ADGRD1: variants seen among roughly 807,000 people sequenced by gnomAD.
ADGRD1 encodes the protein adhesion G protein-coupled receptor D1.
A neutral mutation model predicts 113.4 loss-of-function variants in ADGRD1; 77 were observed. The ratio of observed to expected loss-of-function variants is 0.68; its 90% CI spans 0.57 to 0.82. ADGRD1 has a LOEUF of 0.82. Ranked by LOEUF, ADGRD1 falls within the 40% of genes least tolerant of loss-of-function variation. ADGRD1 has a pLI of 0.00. For missense variants in ADGRD1, 1,036 were observed against 1,139.1 expected (o/e 0.91, Z 1.30); for synonymous variants, 474 against 475.0 (o/e 1.00, Z 0.03).
At chr12:131,000,737 T>C (rs1876267954) in intron 9 of ADGRD1, among the ~76,000 whole-genome samples, 1 of 116,766 alleles carries the variant, frequency 8.6e-6, no homozygotes. Flanking sequence ...TGAGACTCTG[T>C]CTCAAAAAAC....
rs547690357 is a variant in ADGRD1 at position 131,084,716 on chromosome 12, G to A, written c.1671+53G>A. 161 of 1,589,164 alleles carry A rather than the reference G, an allele frequency of 1.0e-4. No homozygotes were observed. In the African/African-American group the frequency reaches 2.0e-3, roughly 20 times the overall value. On this transcript the variant is annotated intron_variant, in intron 15 of 24. Coordinates refer to ENST00000261654, the MANE Select transcript of ADGRD1 (RefSeq NM_198827.5). The surrounding 1 kb of genome is among the most constrained non-coding windows in gnomAD (Gnocchi z 4.5). ...GACCTGGGGGACGTACCATGAGGCT[G>A]CAGGTGGGGGCGGGAGGATGCTTTG...
Position 131,075,234 on chromosome 12 carries a change from G to A in ADGRD1, c.1474-1567G>A, listed in dbSNP as rs1178105297. Among the ~76,000 whole-genome samples the A allele has an allele frequency of 6.6e-6, 1 of 152,146 alleles. No homozygotes were observed. The highest frequency in any genetic ancestry group is 1.5e-5 in the Non-Finnish European group (1 of 68,020). On this transcript the variant is annotated intron_variant, in intron 13 of 24. Coordinates refer to ENST00000261654, the MANE Select transcript of ADGRD1 (RefSeq NM_198827.5). The surrounding 1 kb of genome is among the most constrained non-coding windows in gnomAD (Gnocchi z 5.3). ...GCTGTCTGCTGGAGGCTTTGGCCCT[G>A]GTGTAGCCTGGGCCCAAGGAAGCCT...
rs903184478 is a variant in ADGRD1, at chr12:131,139,257, C to T, written c.2619C>T (p.Ala873=). The T allele has an allele frequency of 5.6e-6, 9 of 1,611,086 alleles. No homozygotes were observed. The highest frequency in any genetic ancestry group is 4.5e-5 in the East Asian group (2 of 44,838). Residue 873 remains alanine, a synonymous_variant, in exon 25 of 25, where the codon GCC becomes GCT. Coordinates refer to ENST00000261654, the MANE Select transcript of ADGRD1 (RefSeq NM_198827.5). The stretch of plus-strand genomic sequence containing the variant: ...CTGCCCACCGCGTCGACCTGTCAGC[C>T]GTGTGAGCCGGGAGGCTGCCAACCA... ...SHSAHRVDLS[A]V is the part of the protein sequence containing the mutation.
At chr12:131,118,028 T>G (rs923975489) in intron 18 of ADGRD1, among the ~76,000 whole-genome samples, 2 of 152,242 alleles carry the variant, frequency 1.3e-5, no homozygotes, top group Non-Finnish European at 2.9e-5. Flanking sequence ...TGGGGCCACC[T>G]TGGCCCTGGT....
intron 18 of ADGRD1, among the ~76,000 whole-genome samples, chr12:131,114,514 G>A (rs966302495): frequency 6.6e-6 from 1 of 152,124 alleles, no homozygotes; most frequent in Non-Finnish European, 1.5e-5. Flanking sequence ...CCCAAGAACT[G>A]TGTCTTTCAT....
chr12:131,072,389 A>AG (rs1436523642), intron 13 of ADGRD1, among the ~76,000 whole-genome samples: 2 of 152,184 alleles, frequency 1.3e-5, no homozygotes, highest in Non-Finnish European at 2.9e-5. Context: ...CTTCTGAAGT[A>AG]GGGGGCATCG....
chr12:131,076,655 C>T, intron 13 of ADGRD1, 146 bp from the exon 14 acceptor site: 1 of 705,866 alleles, frequency 1.4e-6, no homozygotes, highest in South Asian at 1.6e-5. Flanking sequence ...GGACCACACC[C>T]ACAATGGATG....
chr12:130,981,112 C>T lies in ADGRD1; in HGVS notation c.311-772C>T, dbSNP rs565645697. 8 of 152,354 alleles carry T rather than the reference C, an allele frequency of 5.3e-5. No homozygotes were observed. The East Asian group carries it at 1.5e-3, about 29-fold the overall frequency. 9.4% of individuals were successfully genotyped at this position (152,354 alleles called of 1,614,324 possible). ...TATCAACAACCTTAAAAGTGTGCTT[C>T]CCTTTGGCAAGAAATGCCCTCTTGG... On this transcript the variant is annotated intron_variant, in intron 4 of 24. Transcript: ENST00000261654.
chr12:131,103,037 C>T (rs1169043308), intron 15 of ADGRD1, among the ~76,000 whole-genome samples: 1 of 152,250 alleles, frequency 6.6e-6, no homozygotes, highest in Non-Finnish European at 1.5e-5. Context: ...GGGGATTCTT[C>T]CGTCTCCCTG....
At chr12:131,026,845 C>T (rs1318844491) in intron 13 of ADGRD1, 2 of 152,290 alleles carry the variant, frequency 1.3e-5, no homozygotes, top group East Asian at 1.9e-4. Context: ...GGATGCTACT[C>T]GTCACTATTC....
intron 4 of ADGRD1, among the ~76,000 whole-genome samples, chr12:130,975,320 C>T (rs1045190946): frequency 1.3e-5 from 2 of 152,198 alleles, no homozygotes; most frequent in African/African-American, 4.8e-5. Context: ...ACTTCCGTCT[C>T]CCTTACTTGG....
At chr12:131,100,201 T>C (rs1025128792) in intron 15 of ADGRD1, among the ~76,000 whole-genome samples, 2 of 152,080 alleles carry the variant, frequency 1.3e-5, no homozygotes, top group African/African-American at 4.8e-5. Flanking sequence ...TATGATGAGT[T>C]TGGTTGATGA....
Position 131,136,879 on chromosome 12 carries a change from C to T in ADGRD1, c.2395-94C>T, listed in dbSNP as rs973133866. The T allele has an allele frequency of 6.1e-6, 6 of 990,528 alleles. No individual in the cohort carries two copies. The African/African-American group carries it at 9.5e-5, about 16-fold the overall frequency. The allele number at this position is 990,528 out of a possible 1,614,324, so 61.4% of individuals were successfully genotyped here. A position where few individuals can be genotyped will look rare whatever the true frequency, so the allele number is the denominator to read the frequency against. On this transcript the variant is annotated intron_variant, in intron 22 of 24. Coordinates refer to ENST00000261654, the MANE Select transcript of ADGRD1 (RefSeq NM_198827.5). ...GACCTGGTGTCACAGTGTGCGGTGC[C>T]AGTGCCACTCCCAGGCTGCATGGGA...
chr12:131,100,949 T>C (rs910498127), intron 15 of ADGRD1, among the ~76,000 whole-genome samples: 2 of 152,216 alleles, frequency 1.3e-5, no homozygotes, highest in Admixed American at 6.5e-5. Flanking sequence ...GATGGGTAGA[T>C]GTGAGGGCTC....
chr12:131,076,621 G>C (rs1479562798), intron 13 of ADGRD1, 180 bp from the exon 14 acceptor site: 8 of 642,082 alleles, frequency 1.2e-5, no homozygotes, highest in Non-Finnish European at 2.3e-5. Context: ...GCAGAGGGCA[G>C]CATGACCTGG....
chr12:131,038,210 G>A (rs1028648193), intron 13 of ADGRD1, among the ~76,000 whole-genome samples: 12 of 152,232 alleles, frequency 7.9e-5, no homozygotes, highest in African/African-American at 2.9e-4. Context: ...CCCTGTGGAG[G>A]GGTTCAGATG....
In ADGRD1 at chr12:131,097,576, G is replaced by A. The variant is rs142029728; in HGVS notation, c.1672-7255G>A. Among the ~76,000 whole-genome samples, 59 of 152,346 alleles carry A rather than the reference G, an allele frequency of 3.9e-4. 1 individual carries two copies. Among genetic ancestry groups the A allele is most frequent in the South Asian group, 1.7e-3 (8 of 4,824 alleles). On this transcript the variant is annotated intron_variant, in intron 15 of 24. Coordinates refer to ENST00000261654, the MANE Select transcript of ADGRD1 (RefSeq NM_198827.5). ...CGGCTGCCTACGGCCAGGGATGGCC[G>A]CCAAACCAGGGATGCCTGGAGTCAC... is the stretch of plus-strand genomic sequence containing the variant.
Position 130,954,796 on chromosome 12 carries a change from C to A in ADGRD1, c.103+136C>A. On this transcript the variant is annotated intron_variant, in intron 2 of 24. Coordinates refer to ENST00000261654, the MANE Select transcript of ADGRD1 (RefSeq NM_198827.5). This position sits in a 1 kb window ranked among gnomAD's most constrained non-coding sequence, Gnocchi z 4.7. Reference sequence around the variant, plus strand: ...GGGCTCCTGGTCCCCGACCTCACTGCCTCACCACACACTGTGACCCTGGGC... The same window carrying A: ...GGGCTCCTGGTCCCCGACCTCACTGACTCACCACACACTGTGACCCTGGGC... The A allele has an allele frequency of 1.3e-6, 1 of 780,312 alleles. No homozygotes were observed. The highest frequency in any genetic ancestry group is 1.7e-5 in the African/African-American group (1 of 59,068). The allele number at this position is 780,312 out of a possible 1,614,324, so 48.3% of individuals were successfully genotyped here. A position where few individuals can be genotyped will look rare whatever the true frequency, so the allele number is the denominator to read the frequency against.
At chr12:130,990,674 C>G (rs1373948975) in intron 6 of ADGRD1, 1 of 222,970 alleles carries the variant, frequency 4.5e-6, no homozygotes, top group Non-Finnish European at 8.9e-6. Context: ...TCCAACCAGT[C>G]TGGATGCAAT....
Sources: gnomAD v4.1 joint callset for allele counts (sites outside exome capture counted in the v4.1 genomes callset) on GRCh38, gnomAD v4.1.1 for gene constraint, Gnocchi (gnomAD v3.1) non-coding constraint, MANE v1.5 for transcripts, NCBI Gene and HGNC (gene_info 2026-07-23, HGNC 2026-07-21) for gene names.